The following PCDH15 variants were observed in gnomAD, a reference collection of about 807,000 sequenced individuals.
The protein encoded by PCDH15 is protocadherin related 15.
A neutral mutation model predicts 178.5 loss-of-function variants in PCDH15; 129 were observed. The observed-to-expected ratio is 0.72, with a 90% CI of 0.63 to 0.84. The LOEUF is 0.84. Ranked by LOEUF, PCDH15 falls within the 40% of genes least tolerant of loss-of-function variation. The pLI, the probability that PCDH15 is intolerant of heterozygous loss-of-function variation, is 0.00. For missense variants in PCDH15, 2,230 were observed against 2,099.9 expected (o/e 1.06, Z -1.21); for synonymous variants, 800 against 732.0 (o/e 1.09, Z -1.50).
At position 53,943,135 on chromosome 10, in the gene PCDH15, T is replaced by G. The variant is rs370235758; in HGVS notation, c.3123-2160A>C. 3.3e-5 allele frequency among the ~76,000 whole-genome samples: 5 copies of G among 152,228 alleles called. No homozygotes were observed. In the South Asian group the frequency reaches 6.2e-4, roughly 19 times the overall value. On this transcript the variant is annotated intron_variant, in intron 23 of 37. Transcript: ENST00000644397. ...CCATAATTCATCTGTTTGCTATTCCTTATACAGTATGGAAACAAGACGTCT... is the reference window on the plus strand; with the variant it reads ...CCATAATTCATCTGTTTGCTATTCCGTATACAGTATGGAAACAAGACGTCT...
chr10:53,810,998 G>C (rs2075845423), intron 36 of PCDH15, among the ~76,000 whole-genome samples: 1 of 152,206 alleles, frequency 6.6e-6, no homozygotes, highest in African/African-American at 2.4e-5. Flanking sequence ...CTTTGGAACA[G>C]TGTAATGGCT....
intron 2 of PCDH15, among the ~76,000 whole-genome samples, chr10:55,043,740 A>AAAAT (rs35091052): frequency 2.8e-5 from 4 of 143,034 alleles, no homozygotes; most frequent in South Asian, 2.2e-4. Flanking sequence ...ATAAATAAAT[A>AAAAT]AAATAAATAA....
intron 2 of PCDH15, among the ~76,000 whole-genome samples, chr10:55,030,040 A>G (rs1409803111): frequency 6.6e-6 from 1 of 152,158 alleles, no homozygotes; most frequent in Admixed American, 6.6e-5. Context: ...TAAGAAATTG[A>G]TGGAATATGA....
intron 23 of PCDH15, among the ~76,000 whole-genome samples, chr10:53,947,260 A>G (rs550797782): frequency 6.6e-6 from 1 of 152,292 alleles, no homozygotes; most frequent in South Asian, 2.1e-4. Context: ...ACAATTTAAA[A>G]TCTACTTTTA....
At position 54,570,829 on chromosome 10, in the gene PCDH15, C is replaced by CTTTT. The variant is rs71010390; in HGVS notation, c.92-42956_92-42953dup. 9.1e-4 allele frequency among the ~76,000 whole-genome samples: 134 copies of CTTTT among 147,720 alleles called. 2 individuals are homozygous for CTTTT. The highest frequency in any genetic ancestry group is 1.7e-3 in the South Asian group (8 of 4,704). ...ACCACGCCTGGCTATTTTTTTTTTT[C>CTTTT]TTTTTTTTTTGTATTTTTAGTAGAG... On this transcript the variant is annotated intron_variant, in intron 2 of 37. Transcript: ENST00000644397.
chr10:55,249,494 C>G (rs1054119443), intron 1 of PCDH15, among the ~76,000 whole-genome samples: 2 of 152,096 alleles, frequency 1.3e-5, no homozygotes, highest in Middle Eastern at 3.4e-3. Context: ...TACATGTAGC[C>G]AACCAAGAGT....
chr10:55,196,867 T>C (rs779510510), intron 1 of PCDH15, among the ~76,000 whole-genome samples: 8 of 152,064 alleles, frequency 5.3e-5, no homozygotes, highest in Non-Finnish European at 8.8e-5. Flanking sequence ...TGAGCGAGAA[T>C]AGCTACTCTA....
At chr10:55,392,479 C>A (rs1356225544) in intron 2 of PCDH15, among the ~76,000 whole-genome samples, 1 of 152,146 alleles carries the variant, frequency 6.6e-6, no homozygotes, top group African/African-American at 2.4e-5. Flanking sequence ...GTTTTTTGTT[C>A]CAGCATCCAA....
At chr10:53,910,175 G>C (rs1465422821) in intron 25 of PCDH15, among the ~76,000 whole-genome samples, 3 of 152,304 alleles carry the variant, frequency 2.0e-5, no homozygotes, top group African/African-American at 7.2e-5. Flanking sequence ...CACGGTATTT[G>C]AGCTCTGAGA....
At chr10:55,036,981 G>A (rs566972221) in intron 2 of PCDH15, among the ~76,000 whole-genome samples, 2 of 152,152 alleles carry the variant, frequency 1.3e-5, no homozygotes, top group South Asian at 4.1e-4. Flanking sequence ...ATAATTTTTT[G>A]TCTTTCAGAT....
intron 3 of PCDH15, among the ~76,000 whole-genome samples, chr10:54,385,842 C>A (rs757817670): frequency 6.6e-6 from 1 of 152,084 alleles, no homozygotes; most frequent in Non-Finnish European, 1.5e-5. Flanking sequence ...TGATGAAAAT[C>A]ATTTTACACA....
intron 14 of PCDH15, among the ~76,000 whole-genome samples, chr10:54,133,409 AT>A (rs1294233603): frequency 3.9e-5 from 6 of 152,180 alleles, no homozygotes; most frequent in African/African-American, 7.2e-5. Flanking sequence ...CAGAGGGAGT[AT>A]TGATTACAAT....
intron 1 of PCDH15, among the ~76,000 whole-genome samples, chr10:54,720,356 G>C (rs139473637): frequency 6.6e-6 from 1 of 151,822 alleles, no homozygotes; most frequent in Non-Finnish European, 1.5e-5. Flanking sequence ...AATGCATATA[G>C]TCATCAGAAT....
intron 28 of PCDH15, among the ~76,000 whole-genome samples, chr10:53,847,675 G>T (rs1041280089): frequency 5.3e-5 from 8 of 151,968 alleles, no homozygotes; most frequent in Non-Finnish European, 1.0e-4. Context: ...TAGCTTGTTT[G>T]CTTCTTTCAC....
intron 18 of PCDH15, among the ~76,000 whole-genome samples, chr10:54,064,590 C>T (rs2094101090): frequency 6.6e-6 from 1 of 152,168 alleles, no homozygotes; most frequent in South Asian, 2.1e-4. Context: ...CAGTGAGCAG[C>T]CCTCTGTCCC....
At chr10:54,727,196 G>A (rs117772088) in intron 1 of PCDH15, among the ~76,000 whole-genome samples, 18,365 of 150,886 alleles carry the variant, frequency 0.12, 1,231 homozygotes, top group African/African-American at 0.17. Context: ...GATTTTCCAT[G>A]AAGCAATTCT....
chr10:54,955,487 T>C, intron 2 of PCDH15, among the ~76,000 whole-genome samples: 1 of 151,440 alleles, frequency 6.6e-6, no homozygotes, highest in East Asian at 1.9e-4. Context: ...AAAAATTAAA[T>C]AAAATAGTAC....
At chr10:54,395,418 T>A (rs2135394659) in intron 3 of PCDH15, among the ~76,000 whole-genome samples, 1 of 130,400 alleles carries the variant, frequency 7.7e-6, no homozygotes, top group East Asian at 2.0e-4. Flanking sequence ...TCTATCTCTA[T>A]GTGCATGTAT....
intron 1 of PCDH15, among the ~76,000 whole-genome samples, chr10:54,800,658 C>T (rs1156845883): frequency 1.3e-5 from 2 of 152,138 alleles, no homozygotes; most frequent in African/African-American, 2.4e-5. Context: ...AATTCAAAAG[C>T]TTGTGTCTTT....
Sources: gnomAD v4.1 joint callset for allele counts (sites outside exome capture counted in the v4.1 genomes callset) on GRCh38, gnomAD v4.1.1 for gene constraint, MANE v1.5 for transcripts, NCBI Gene and HGNC (gene_info 2026-07-23, HGNC 2026-07-21) for gene names.